The following PDGFC variants were observed in gnomAD, a reference collection of about 807,000 sequenced individuals.
PDGFC encodes platelet-derived growth factor C.
Under a neutral mutation model 35.5 loss-of-function variants are expected in PDGFC, and 12 were observed. That is an observed-to-expected ratio of 0.34 (90% CI 0.22 to 0.55). The LOEUF is 0.55. Among genes scored for constraint, PDGFC ranks in the 20% least tolerant of loss-of-function variants. The pLI is 0.91. For missense variants in PDGFC, 322 were observed against 412.4 expected (o/e 0.78, Z 1.90); for synonymous variants, 159 against 148.8 (o/e 1.07, Z -0.50).
intron 1 of PDGFC, among the ~76,000 whole-genome samples, chr4:156,938,919 T>C (rs1003488862): frequency 6.6e-6 from 1 of 151,962 alleles, no homozygotes; most frequent in African/African-American, 2.4e-5. Context: ...AAAATAGGTA[T>C]AGTAATTTTA....
In PDGFC at chr4:156,894,336, G is replaced by A. The variant is rs190682538; in HGVS notation, c.119-43920C>T. Among the ~76,000 whole-genome samples the A allele has an allele frequency of 2.6e-3, 391 of 152,106 alleles. 1 individual carries two copies. The highest frequency in any genetic ancestry group is 8.7e-3 in the African/African-American group (360 of 41,510). On this transcript the variant is annotated intron_variant, in intron 1 of 5. Transcript: ENST00000502773. ...AGATTATCATTCTAACTTCCTAACTGGGCAATTTTATTATCCAGTTCTCCC... is the reference window on the plus strand; with the variant it reads ...AGATTATCATTCTAACTTCCTAACTAGGCAATTTTATTATCCAGTTCTCCC...
intron 3 of PDGFC, among the ~76,000 whole-genome samples, chr4:156,795,650 A>G (rs1731420723): frequency 6.6e-6 from 1 of 152,254 alleles, no homozygotes; most frequent in South Asian, 2.1e-4. Context: ...GAATTCTAAA[A>G]TTAAGAAATA....
At chr4:156,928,248 T>C (rs1237033063) in intron 1 of PDGFC, among the ~76,000 whole-genome samples, 1 of 152,252 alleles carries the variant, frequency 6.6e-6, no homozygotes, top group African/African-American at 2.4e-5. Context: ...AGCACCCATT[T>C]ATCTATCCGT....
At chr4:156,949,064 T>G (rs1246013201) in intron 1 of PDGFC, among the ~76,000 whole-genome samples, 2 of 151,900 alleles carry the variant, frequency 1.3e-5, no homozygotes, top group Non-Finnish European at 2.9e-5. Flanking sequence ...AATGTCCATC[T>G]CTGAAAACAT....
Position 156,766,285 on chromosome 4 carries a change from G to A in PDGFC, c.921+1488C>T, listed in dbSNP as rs74586453. On this transcript the variant is annotated intron_variant, in intron 5 of 5. Coordinates refer to ENST00000502773, the MANE Select transcript of PDGFC (RefSeq NM_016205.3). ...ACATCTAAGTTTATACATATATAAGGTTCCTGACTTGCTTTTCTGAAAATT... is the reference window on the plus strand; with the variant it reads ...ACATCTAAGTTTATACATATATAAGATTCCTGACTTGCTTTTCTGAAAATT... 0.015 allele frequency among the ~76,000 whole-genome samples: 2,346 copies of A among 152,152 alleles called. 123 individuals are homozygous for A. The South Asian group carries it at 0.17, about 11-fold the overall frequency.
intron 2 of PDGFC, among the ~76,000 whole-genome samples, chr4:156,846,900 C>G (rs1410480002): frequency 1.3e-5 from 2 of 151,822 alleles, no homozygotes; most frequent in Non-Finnish European, 3.0e-5. Context: ...CATCAACCAT[C>G]ATACTCAATA....
intron 1 of PDGFC, among the ~76,000 whole-genome samples, chr4:156,926,220 C>T (rs1431048003): frequency 6.6e-6 from 1 of 152,064 alleles, no homozygotes; most frequent in Non-Finnish European, 1.5e-5. Context: ...TACTGCATTA[C>T]ACTGGAAACT....
intron 2 of PDGFC, among the ~76,000 whole-genome samples, chr4:156,825,541 C>A (rs1732421717): frequency 7.4e-6 from 1 of 134,904 alleles, no homozygotes; most frequent in African/African-American, 2.9e-5. Context: ...CAGAGCAACA[C>A]CCTGTCTCCA....
At position 156,782,167 on chromosome 4, in the gene PDGFC, G is replaced by A. The variant is rs532991206; in HGVS notation, c.496-9274C>T. On this transcript the variant is annotated intron_variant, in intron 3 of 5. Coordinates refer to ENST00000502773, the MANE Select transcript of PDGFC (RefSeq NM_016205.3). ...AGTAGTTGTTCTGGAGGGAGAAATG[G>A]GCATTACACATCAGCAAATTAATCT... Among the ~76,000 whole-genome samples the A allele has an allele frequency of 1.2e-3, 188 of 152,176 alleles. 1 individual carries two copies. The highest frequency in any genetic ancestry group is 4.4e-3 in the African/African-American group (183 of 41,532).
chr4:156,832,781 C>T (rs530600327), intron 2 of PDGFC, among the ~76,000 whole-genome samples: 15 of 152,226 alleles, frequency 9.9e-5, no homozygotes, highest in Middle Eastern at 6.8e-3. Flanking sequence ...TATACAGGGC[C>T]GACTTTTCCA....
chr4:156,932,097 A>C (rs1439285249), intron 1 of PDGFC, among the ~76,000 whole-genome samples: 1 of 152,224 alleles, frequency 6.6e-6, no homozygotes, highest in Non-Finnish European at 1.5e-5. Flanking sequence ...TCTATTATTA[A>C]GAACATTTAA....
At chr4:156,876,056 A>G (rs1199853515) in intron 1 of PDGFC, among the ~76,000 whole-genome samples, 2 of 152,202 alleles carry the variant, frequency 1.3e-5, no homozygotes, top group Non-Finnish European at 2.9e-5. Flanking sequence ...GGAAGAAAAC[A>G]TGAGTTGGAA....
intron 1 of PDGFC, 38 bp downstream of exon 1, chr4:156,970,748 C>T: frequency 7.8e-7 from 1 of 1,277,210 alleles, no homozygotes; most frequent in Non-Finnish European, 1.1e-6. Context: ...ACACACACAG[C>T]GAGAAACAAG....
intron 2 of PDGFC, among the ~76,000 whole-genome samples, chr4:156,819,102 G>A (rs563484933): frequency 1.3e-5 from 2 of 152,312 alleles, no homozygotes; most frequent in South Asian, 4.1e-4. Flanking sequence ...AAAGTTGGAA[G>A]CTAACAGAGG....
In PDGFC at chr4:156,850,323, G is replaced by A. The variant is rs370076533; in HGVS notation, c.212C>T (p.Thr71Met). The change falls in exon 2 of 6, where the codon ACG (threonine) becomes ATG (methionine). Residue 71 changes from threonine to methionine, a missense_variant. This residue lies in a region of PDGFC where 120 missense variants were observed against 116.6 expected (regional missense o/e 1.03). Coordinates refer to ENST00000502773, the MANE Select transcript of PDGFC (RefSeq NM_016205.3). Reference sequence around the variant, plus strand: ...TGCTACTAATCTCCATACCAAGACCGTATTTCTTGGATAAGTATGAGGAAA... The same window carrying A: ...TGCTACTAATCTCCATACCAAGACCATATTTCTTGGATAAGTATGAGGAAA... ...PRFPHTYPRN[T>M]VLVWRLVAVE... 6.3e-5 allele frequency: 101 copies of A among 1,601,044 alleles called. 1 individual carries two copies. The highest frequency in any genetic ancestry group is 3.3e-5 in the Admixed American group (2 of 59,728).
chr4:156,963,446 G>A (rs940093345), intron 1 of PDGFC, among the ~76,000 whole-genome samples: 3 of 152,050 alleles, frequency 2.0e-5, no homozygotes, highest in Non-Finnish European at 4.4e-5. Context: ...ACTCCAGCCT[G>A]GGTGACAGTG....
chr4:156,830,795 C>A (rs1728913608), intron 2 of PDGFC, among the ~76,000 whole-genome samples: 1 of 152,094 alleles, frequency 6.6e-6, no homozygotes, highest in Non-Finnish European at 1.5e-5. Context: ...AAAATGTGAT[C>A]AATTAAGTTA....
chr4:156,866,555 G>A (rs1260678095), intron 1 of PDGFC, among the ~76,000 whole-genome samples: 2 of 152,050 alleles, frequency 1.3e-5, no homozygotes, highest in Non-Finnish European at 2.9e-5. Flanking sequence ...GTGTGTGTGT[G>A]TGTTTATTTA....
chr4:156,768,170 T>C (rs910640322), intron 4 of PDGFC, among the ~76,000 whole-genome samples, 180 bp from the exon 5 acceptor site: 5 of 152,022 alleles, frequency 3.3e-5, no homozygotes, highest in African/African-American at 9.7e-5. Context: ...GACCTTCTAG[T>C]TCATAGCAAA....
Sources: allele counts gnomAD v4.1 joint callset (sites outside exome capture counted in the v4.1 genomes callset), GRCh38; gene constraint gnomAD v4.1.1; regional missense constraint gnomAD v4.1.1; transcripts MANE v1.5; gene names NCBI Gene and HGNC (gene_info 2026-07-23, HGNC 2026-07-21).